The following WASL variants were observed in gnomAD, a reference collection of about 807,000 sequenced individuals.
WASL encodes WASP like actin nucleation promoting factor.
In WASL, 20 loss-of-function variants were observed where a neutral mutation model predicts 55.5. The ratio of observed to expected loss-of-function variants is 0.36; its 90% CI spans 0.25 to 0.52. The LOEUF (loss-of-function observed/expected upper bound fraction) is 0.52, where lower values mean the gene tolerates loss of function less well. Ranked by LOEUF, WASL falls within the 20% of genes least tolerant of loss-of-function variation. The pLI is 0.92. For missense variants in WASL, 504 were observed against 622.5 expected (o/e 0.81, Z 2.03); for synonymous variants, 249 against 217.6 (o/e 1.14, Z -1.27).
In WASL at chr7:123,689,067, T is replaced by C. The variant is rs370180147; in HGVS notation, c.1431A>G (p.Lys477=). The change falls in exon 10 of 11, where the codon AAA becomes AAG. Residue 477 remains lysine (K), a synonymous_variant. Coordinates refer to ENST00000223023, the MANE Select transcript of WASL (RefSeq NM_003941.4). ...IVGALMEVMQ[K]RSKAIHSSDE... Reference sequence around the variant, plus strand: ...CTGAAGAATGAATGGCTTTGCTCCTTTTCTGCATCACTTCCATTAATGCAC... The same window carrying C: ...CTGAAGAATGAATGGCTTTGCTCCTCTTCTGCATCACTTCCATTAATGCAC... 2 of 1,613,690 alleles carry C rather than the reference T, an allele frequency of 1.2e-6. No individual in the cohort carries two copies. The highest frequency in any genetic ancestry group is 2.7e-5 in the African/African-American group (2 of 74,882).
chr7:123,721,313 C>T (rs893651917), intron 1 of WASL, among the ~76,000 whole-genome samples: 2 of 4,782 alleles, frequency 4.2e-4, no homozygotes, highest in Admixed American at 0.01. Flanking sequence ...TTTTAGTTTG[C>T]TTGACTGACA....
chr7:123,727,745 T>C (rs1804075477), intron 1 of WASL, among the ~76,000 whole-genome samples: 1 of 152,190 alleles, frequency 6.6e-6, no homozygotes, highest in Non-Finnish European at 1.5e-5. Flanking sequence ...GGGGGTATGG[T>C]CATACTCTGT....
chr7:123,689,127 T>A lies in WASL; in HGVS notation c.1371A>T (p.Thr457=). Reference sequence around the variant, plus strand: ...CTGAAGTGGGTGCAGGTGTTGGTGGTGTAGACTCTTGGCCATCAGCCACCT... The same window carrying A: ...CTGAAGTGGGTGCAGGTGTTGGTGGAGTAGACTCTTGGCCATCAGCCACCT... ...LKSVADGQES[T]PPTPAPTSGI... The change falls in exon 10 of 11, where the codon ACA becomes ACT. Residue 457 remains threonine (T), a synonymous_variant. Coordinates refer to ENST00000223023, the MANE Select transcript of WASL (RefSeq NM_003941.4). The A allele has an allele frequency of 6.2e-7, 1 of 1,613,828 alleles. No homozygotes were observed. The highest frequency in any genetic ancestry group is 1.3e-5 in the African/African-American group (1 of 75,000).
At chr7:123,700,011 C>T (rs1803553656) in intron 5 of WASL, among the ~76,000 whole-genome samples, 1 of 151,506 alleles carries the variant, frequency 6.6e-6, no homozygotes, top group Admixed American at 6.6e-5. Flanking sequence ...CCCGTCTCTA[C>T]TAACAATACA....
At chr7:123,708,760 C>T (rs1012490557) in intron 2 of WASL, among the ~76,000 whole-genome samples, 1 of 150,400 alleles carries the variant, frequency 6.6e-6, no homozygotes, top group Non-Finnish European at 1.5e-5. Flanking sequence ...CTATAATGAA[C>T]CAGGTGGAAT....
chr7:123,714,734 C>G (rs1803810777), intron 1 of WASL, among the ~76,000 whole-genome samples: 1 of 152,104 alleles, frequency 6.6e-6, no homozygotes, highest in African/African-American at 2.4e-5. Flanking sequence ...CATAAAACAT[C>G]TAGTTAATAA....
At chr7:123,724,617 T>C (rs1303371531) in intron 1 of WASL, among the ~76,000 whole-genome samples, 5 of 152,212 alleles carry the variant, frequency 3.3e-5, no homozygotes, top group Non-Finnish European at 5.9e-5. Flanking sequence ...CAGTATTTTA[T>C]ATGCGTTTTG....
Position 123,703,883 on chromosome 7 carries a change from T to C in WASL, c.460+751A>G, listed in dbSNP as rs187961957. On this transcript the variant is annotated intron_variant, in intron 5 of 10. Coordinates refer to ENST00000223023, the MANE Select transcript of WASL (RefSeq NM_003941.4). ...GCTGGAGAATGATTCTTTACCTTCA[T>C]AGAGTCAGGAACCTCATTTAAATAC... Among the ~76,000 whole-genome samples, 11 of 152,296 alleles carry C rather than the reference T, an allele frequency of 7.2e-5. No homozygotes were observed. The East Asian group carries it at 1.7e-3, about 24-fold the overall frequency.
chr7:123,703,114 C>T (rs1411138210), intron 5 of WASL, among the ~76,000 whole-genome samples: 1 of 152,172 alleles, frequency 6.6e-6, no homozygotes, highest in Non-Finnish European at 1.5e-5. Context: ...AACTCAGCTG[C>T]TTCTGTTTCT....
chr7:123,738,495 C>T (rs1187997192), intron 1 of WASL, among the ~76,000 whole-genome samples: 1 of 152,180 alleles, frequency 6.6e-6, no homozygotes, highest in Non-Finnish European at 1.5e-5. Flanking sequence ...AGTTCTAGTT[C>T]CTACTATCTA....
chr7:123,737,596 C>CCA (rs1554407134), intron 1 of WASL, among the ~76,000 whole-genome samples: 1 of 72,818 alleles, frequency 1.4e-5, no homozygotes, highest in Non-Finnish European at 2.6e-5. Flanking sequence ...CTCCGTCTCC[C>CCA]AAAAAAAAAA....
chr7:123,720,138 C>T (rs1025970464), intron 1 of WASL, among the ~76,000 whole-genome samples: 3 of 152,086 alleles, frequency 2.0e-5, no homozygotes, highest in Admixed American at 6.6e-5. Flanking sequence ...AGTTCAGTAA[C>T]GTGTTTGATC....
At position 123,692,579 on chromosome 7, in the gene WASL, G is replaced by A; in HGVS notation, c.1115C>T (p.Ala372Val). ...TGGAGGTGGAGGCGGTGGGGGTGGT[G>A]CCACTGGCCCTACCCCCAACACAGA... ...PPSVLGVGPV[A>V]PPPPPPPPPP... Residue 372 changes from alanine (A) to valine (V), a missense_variant, in exon 9 of 11, where the codon GCA (alanine) becomes GTA (valine). Physicochemically the swap from Ala to Val is moderately conservative, Grantham distance 64 (BLOSUM62 0). Coordinates refer to ENST00000223023, the MANE Select transcript of WASL (RefSeq NM_003941.4). The A allele has an allele frequency of 6.2e-7, 1 of 1,612,658 alleles. No individual in the cohort carries two copies. The highest frequency in any genetic ancestry group is 8.5e-7 in the Non-Finnish European group (1 of 1,179,230).
chr7:123,706,333 G>T lies in WASL; in HGVS notation c.380C>A (p.Ala127Glu). 1.2e-6 allele frequency: 2 copies of T among 1,613,276 alleles called. No homozygotes were observed. The highest frequency in any genetic ancestry group is 8.5e-7 in the Non-Finnish European group (1 of 1,179,652). The change falls in exon 4 of 11, where the codon GCA (alanine) becomes GAA (glutamate). Residue 127 changes from alanine to glutamate, a missense_variant. Ala to Glu is a moderately radical substitution (Grantham distance 107). Around this residue, in one of 5 missense-constraint regions of WASL, gnomAD observed 230 missense variants for 271.9 expected, o/e 0.85. Coordinates refer to ENST00000223023, the MANE Select transcript of WASL (RefSeq NM_003941.4). ...TGTAACTGCTTTTCGAAATTTTTTTGCTTCTTCTTCATTGGCAAAATTAAG... is the reference window on the plus strand; with the variant it reads ...TGTAACTGCTTTTCGAAATTTTTTTTCTTCTTCTTCATTGGCAAAATTAAG... Reference protein sequence around the residue: ...VALNFANEEEAKKFRKAVTDL... With the variant: ...VALNFANEEEEKKFRKAVTDL...
chr7:123,738,723 G>T (rs12706551), intron 1 of WASL, among the ~76,000 whole-genome samples: 5,050 of 152,178 alleles, frequency 0.033, 116 homozygotes, highest in Non-Finnish European at 0.047. Flanking sequence ...GATTGTTGGT[G>T]TCTGCCATGG....
chr7:123,702,812 C>A lies in WASL; in HGVS notation c.460+1822G>T, dbSNP rs117205528. Among the ~76,000 whole-genome samples the A allele has an allele frequency of 1.4e-3, 213 of 152,240 alleles. No homozygotes were observed. The East Asian group carries it at 0.036, about 26-fold the overall frequency. On this transcript the variant is annotated intron_variant, in intron 5 of 10. Coordinates refer to ENST00000223023, the MANE Select transcript of WASL (RefSeq NM_003941.4). ...TTTGTATCGCAGACTTGAGTATCAA[C>A]GAAGTTTTGTATCCATGGGGGGATC...
At chr7:123,740,923 A>G (rs1371050913) in intron 1 of WASL, among the ~76,000 whole-genome samples, 1 of 152,202 alleles carries the variant, frequency 6.6e-6, no homozygotes, top group Non-Finnish European at 1.5e-5. Flanking sequence ...ATCATTTTCA[A>G]GCTGGGGTCA....
rs1349401696 is a variant in WASL, at chr7:123,740,707, T to C, written c.117+7911A>G. On this transcript the variant is annotated intron_variant, in intron 1 of 10. Transcript: ENST00000223023. ...AATTCCTGGGCTCAAGTGAACCTCC[T>C]GCCTCAGCCTCTGGAGTAACTGGGA... is the stretch of plus-strand genomic sequence containing the variant. Among the ~76,000 whole-genome samples, 9 of 152,238 alleles carry C rather than the reference T, an allele frequency of 5.9e-5. No individual in the cohort carries two copies. The East Asian group carries it at 1.5e-3, about 26-fold the overall frequency.
Position 123,748,667 on chromosome 7 carries a change from G to A in WASL, c.68C>T (p.Thr23Ile). 6.2e-7 allele frequency: 1 copy of A among 1,613,036 alleles called. No individual in the cohort carries two copies. Residue 23 changes from threonine to isoleucine, a missense_variant, in exon 1 of 11, where the codon ACC (threonine) becomes ATC (isoleucine). This residue lies in a region of WASL where 230 missense variants were observed against 271.9 expected (regional missense o/e 0.85). Coordinates refer to ENST00000223023, the MANE Select transcript of WASL (RefSeq NM_003941.4). ...RVTNVGSLLLTPQENESLFTF... is the reference protein window; with the variant it reads ...RVTNVGSLLLIPQENESLFTF... ...GAAGAGGGACTCGTTCTCCTGCGGG[G>A]TGAGCAACAGGGACCCCACGTTGGT...
Sources: allele counts gnomAD v4.1 joint callset (sites outside exome capture counted in the v4.1 genomes callset), GRCh38; gene constraint gnomAD v4.1.1; regional missense constraint gnomAD v4.1.1; transcripts MANE v1.5; gene names NCBI Gene and HGNC (gene_info 2026-07-23, HGNC 2026-07-21).